The following CNTNAP2 variants were observed in gnomAD, a reference collection of about 807,000 sequenced individuals.
CNTNAP2 encodes contactin-associated protein-like 2.
Under a neutral mutation model 155.2 loss-of-function variants are expected in CNTNAP2, and 98 were observed. The ratio of observed to expected loss-of-function variants is 0.63; its 90% CI spans 0.54 to 0.75. The LOEUF (loss-of-function observed/expected upper bound fraction) is 0.75, where lower values mean the gene tolerates loss of function less well. Among genes scored for constraint, CNTNAP2 ranks in the 30% least tolerant of loss-of-function variants. The pLI, the probability that CNTNAP2 is intolerant of heterozygous loss-of-function variation, is 0.00. For missense variants in CNTNAP2, 1,727 were observed against 1,688.1 expected (o/e 1.02, Z -0.40); for synonymous variants, 651 against 631.2 (o/e 1.03, Z -0.47).
chr7:146,281,492 C>A (rs1038100065), intron 1 of CNTNAP2, among the ~76,000 whole-genome samples: 1 of 152,124 alleles, frequency 6.6e-6, no homozygotes, highest in Non-Finnish European at 1.5e-5. Flanking sequence ...TCGTGTATGA[C>A]TTCAGTTAAA....
Position 148,420,634 on chromosome 7 carries a change from C to T in CNTNAP2, c.*5018C>T, listed in dbSNP as rs1338144390. Reference sequence around the variant, plus strand: ...CTCAGTTAATTTACAGCAACTGCTGCTTTCGGAGATGGCTGTGAAAATATG... The same window carrying T: ...CTCAGTTAATTTACAGCAACTGCTGTTTTCGGAGATGGCTGTGAAAATATG... On this transcript the variant is annotated 3_prime_UTR_variant, in exon 24 of 24. Transcript: ENST00000361727. 6.6e-6 allele frequency: 1 copy of T among 152,432 alleles called. No individual in the cohort carries two copies. The highest frequency in any genetic ancestry group is 1.5e-5 in the Non-Finnish European group (1 of 68,052). The allele number at this position is 152,432 out of a possible 1,614,324, so 9.4% of individuals were successfully genotyped here. A position where few individuals can be genotyped will look rare whatever the true frequency, so the allele number is the denominator to read the frequency against.
At chr7:148,048,730 A>G (rs924977545) in intron 15 of CNTNAP2, among the ~76,000 whole-genome samples, 9 of 152,064 alleles carry the variant, frequency 5.9e-5, no homozygotes, top group African/African-American at 2.2e-4. Flanking sequence ...TGTGTGAGCT[A>G]AAAAACCAGA....
chr7:146,819,905 T>A (rs1375360034), intron 2 of CNTNAP2, among the ~76,000 whole-genome samples: 2 of 152,176 alleles, frequency 1.3e-5, no homozygotes, highest in African/African-American at 2.4e-5. Context: ...ATATATCCAC[T>A]TCTTGATACA....
chr7:147,809,935 T>C (rs1798153616), intron 13 of CNTNAP2, among the ~76,000 whole-genome samples: 1 of 152,246 alleles, frequency 6.6e-6, no homozygotes, highest in African/African-American at 2.4e-5. Flanking sequence ...GGTCTTGGCT[T>C]CAACTCATAT....
chr7:148,303,243 C>G (rs1231455718), intron 21 of CNTNAP2, among the ~76,000 whole-genome samples: 2 of 152,154 alleles, frequency 1.3e-5, no homozygotes, highest in Non-Finnish European at 2.9e-5. Flanking sequence ...TCCTTGAGCT[C>G]ATAAATGGAA....
intron 21 of CNTNAP2, among the ~76,000 whole-genome samples, chr7:148,299,122 C>T (rs569933181): frequency 6.6e-6 from 1 of 152,142 alleles, no homozygotes; most frequent in Non-Finnish European, 1.5e-5. Context: ...TCCTGAGTAG[C>T]TGGGACTACA....
rs181406494 is a variant in CNTNAP2 at position 148,362,682 on chromosome 7, C to T, written c.3476-20967C>T. On this transcript the variant is annotated intron_variant, in intron 21 of 23. Transcript: ENST00000361727. ...CAACAGACAAGTGTGGCTCTCTTAA[C>T]AGGGGGACTTACTACTCGTGTGCCA... 7.8e-3 allele frequency among the ~76,000 whole-genome samples: 1,185 copies of T among 152,322 alleles called. 72 individuals carry two copies. The highest frequency in any genetic ancestry group is 0.073 in the Admixed American group (1,119 of 15,300).
chr7:147,314,394 T>G (rs1477461597), intron 9 of CNTNAP2, among the ~76,000 whole-genome samples: 1 of 151,830 alleles, frequency 6.6e-6, no homozygotes. Context: ...ATCTAGATCT[T>G]TCTATCTCAT....
At chr7:147,942,100 G>A (rs905130624) in intron 14 of CNTNAP2, among the ~76,000 whole-genome samples, 2 of 152,138 alleles carry the variant, frequency 1.3e-5, no homozygotes, top group African/African-American at 4.8e-5. Flanking sequence ...TGCTATTTCT[G>A]AGGTTCTTTA....
intron 9 of CNTNAP2, among the ~76,000 whole-genome samples, chr7:147,301,588 CTCTCTGTGTGTGTG>C (rs1429180232): frequency 6.6e-4 from 40 of 60,700 alleles, no homozygotes; most frequent in African/African-American, 2.9e-3. Context: ...CTCTCTCTCT[CTCTCTGTGTGTGTG>C]TGTGTGTGTG....
intron 13 of CNTNAP2, among the ~76,000 whole-genome samples, chr7:147,895,080 C>A (rs780973269): frequency 2.0e-5 from 3 of 149,246 alleles, no homozygotes; most frequent in Non-Finnish European, 4.4e-5. Flanking sequence ...AAGTGATTCC[C>A]CTGCCTCATC....
rs1803506854 is a variant in CNTNAP2 at position 147,225,742 on chromosome 7, A to AAG, written c.1349-74399_1349-74398insAG. On this transcript the variant is annotated intron_variant, in intron 8 of 23. Transcript: ENST00000361727. Reference sequence around the variant, plus strand: ...CCAAGTACTTTAAGTTAGGAAGGAAAGAAGGAAGGAAGGAAGGAAGGAAGG... The same window carrying AAG: ...CCAAGTACTTTAAGTTAGGAAGGAAAAGGAAGGAAGGAAGGAAGGAAGGAAGG... Among the ~76,000 whole-genome samples the AAG allele has an allele frequency of 3.9e-5, 4 of 103,872 alleles. No individual in the cohort carries two copies. The South Asian group carries it at 1.2e-3, about 31-fold the overall frequency. 68.1% of individuals were successfully genotyped at this position (103,872 alleles called of 152,430 possible).
At chr7:146,951,219 A>C (rs1797306921) in intron 3 of CNTNAP2, among the ~76,000 whole-genome samples, 1 of 152,166 alleles carries the variant, frequency 6.6e-6, no homozygotes, top group Admixed American at 6.5e-5. Context: ...GATAGATTGC[A>C]GAATTTTTCT....
intron 3 of CNTNAP2, chr7:146,963,192 A>G (rs1469425376): frequency 6.6e-6 from 1 of 152,240 alleles, no homozygotes; most frequent in African/African-American, 2.4e-5. Flanking sequence ...CAAATGAAAT[A>G]AAAATGATCG....
At position 148,411,601 on chromosome 7, in the gene CNTNAP2, A is replaced by G. The variant is rs868151298; in HGVS notation, c.3796+2130A>G. 2.8e-4 allele frequency among the ~76,000 whole-genome samples: 42 copies of G among 152,036 alleles called. 1 individual carries two copies. Among genetic ancestry groups the G allele is most frequent in the African/African-American group, 9.4e-4 (39 of 41,508 alleles). ...TTATAGTTTGTGGTTGGTTTGTCCT[A>G]TCTAAAAAGTCTGCCTACCCAAAGG... On this transcript the variant is annotated intron_variant, in intron 23 of 23. Transcript: ENST00000361727.
chr7:146,462,084 A>C (rs1413939015), intron 1 of CNTNAP2, among the ~76,000 whole-genome samples: 4 of 152,272 alleles, frequency 2.6e-5, no homozygotes, highest in African/African-American at 7.2e-5. Context: ...ATATTCTCTG[A>C]GGCTTGAATG....
chr7:146,426,968 C>G (rs1160996402), intron 1 of CNTNAP2, among the ~76,000 whole-genome samples: 1 of 152,014 alleles, frequency 6.6e-6, no homozygotes, highest in Non-Finnish European at 1.5e-5. Context: ...ATGCTGTACA[C>G]CATAAATATA....
intron 1 of CNTNAP2, among the ~76,000 whole-genome samples, chr7:146,748,074 A>G (rs2129182050): frequency 6.6e-6 from 1 of 151,530 alleles, no homozygotes. Flanking sequence ...TTCAGAGATG[A>G]GAATATTAAA....
chr7:147,646,288 A>G (rs2116934561), intron 13 of CNTNAP2, among the ~76,000 whole-genome samples: 1 of 152,322 alleles, frequency 6.6e-6, no homozygotes, highest in South Asian at 2.1e-4. Flanking sequence ...GTTTATTAAG[A>G]AAAAACTGGA....
Sources: allele counts gnomAD v4.1 joint callset (sites outside exome capture counted in the v4.1 genomes callset), GRCh38; gene constraint gnomAD v4.1.1; transcripts MANE v1.5; gene names NCBI Gene and HGNC (gene_info 2026-07-23, HGNC 2026-07-21).